The following ZNF782 variants were observed in gnomAD, a reference collection of about 807,000 sequenced individuals.
ZNF782 encodes zinc finger protein 782.
In ZNF782, 12 loss-of-function variants were observed where a neutral mutation model predicts 13.0. That is an observed-to-expected ratio of 0.92 (90% CI 0.59 to 1.50). The LOEUF (loss-of-function observed/expected upper bound fraction) is 1.50. Among genes scored for constraint, ZNF782 ranks in the 40% most tolerant of loss-of-function variants. The pLI is 0.00. For synonymous variants in ZNF782, 284 were observed against 283.0 expected, an observed-to-expected ratio of 1.00 and a Z score of -0.04; for missense variants, 770 against 822.9, an observed-to-expected ratio of 0.94 and a Z score of 0.79.
intron 1 of ZNF782, among the ~76,000 whole-genome samples, chr9:96,864,068 CACAT>C (rs1171632835): frequency 6.7e-6 from 1 of 149,952 alleles, no homozygotes; most frequent in Non-Finnish European, 1.5e-5. Context: ...TGTACATATA[CACAT>C]ACATACACAC....
chr9:96,925,901 G>T, the ZNF782 span, among the ~76,000 whole-genome samples: 1 of 146,290 alleles, frequency 6.8e-6, no homozygotes, highest in Admixed American at 6.7e-5. Context: ...CTGAACAGGG[G>T]ATCCAAGCCC....
intron 4 of ZNF782, among the ~76,000 whole-genome samples, chr9:96,842,811 A>T (rs1851229076): frequency 6.6e-6 from 1 of 152,124 alleles, no homozygotes; most frequent in South Asian, 2.1e-4. Context: ...CTGACAAAGA[A>T]ACTCATATCT....
the ZNF782 span, among the ~76,000 whole-genome samples, chr9:96,897,326 C>A: frequency 0.076 from 11,614 of 151,844 alleles, 1,157 homozygotes; most frequent in African/African-American, 0.25. Flanking sequence ...CCCCTTCTCC[C>A]ACAAGTGCCA....
chr9:96,874,884 CAT>C (rs748522539), intron 1 of ZNF782, among the ~76,000 whole-genome samples: 4 of 152,208 alleles, frequency 2.6e-5, no homozygotes, highest in South Asian at 2.1e-4. Context: ...GGACTGAAAA[CAT>C]AGACAGCTTG....
chr9:96,887,041 C>G, the ZNF782 span, among the ~76,000 whole-genome samples: 1 of 151,248 alleles, frequency 6.6e-6, no homozygotes, highest in East Asian at 2.0e-4. Context: ...TGGCCGGATG[C>G]GGTGGCTCAC....
intron 4 of ZNF782, among the ~76,000 whole-genome samples, chr9:96,844,531 A>G (rs1284683787): frequency 6.6e-6 from 1 of 152,166 alleles, no homozygotes; most frequent in Non-Finnish European, 1.5e-5. Context: ...GAGAAAAGGC[A>G]AAATTATTGC....
At chr9:96,887,331 AAGGAAGG>A in the ZNF782 span, 1 of 140,790 alleles carries the variant, frequency 7.1e-6, no homozygotes, top group Non-Finnish European at 1.5e-5. Context: ...GGAAGGAAGG[AAGGAAGG>A]AAGAAAGAAA....
At chr9:96,902,668 CTG>C in the ZNF782 span, among the ~76,000 whole-genome samples, 2 of 138,686 alleles carry the variant, frequency 1.4e-5, no homozygotes, top group Non-Finnish European at 3.0e-5. Context: ...TTTTGCATAA[CTG>C]TTATTTATGT....
the ZNF782 span, among the ~76,000 whole-genome samples, chr9:96,924,484 TTTC>T: frequency 9.3e-6 from 1 of 107,728 alleles, no homozygotes; most frequent in Non-Finnish European, 1.9e-5. Flanking sequence ...CATAGAAGCT[TTTC>T]TTGACTTTGG....
chr9:96,820,448 G>C (rs1163917964), intron 5 of ZNF782, among the ~76,000 whole-genome samples: 3 of 152,086 alleles, frequency 2.0e-5, no homozygotes, highest in East Asian at 3.9e-4. Context: ...AAATTGATGG[G>C]AGTTAAAGTC....
At chr9:96,849,561 T>C (rs1306015031) in intron 3 of ZNF782, among the ~76,000 whole-genome samples, 1 of 152,222 alleles carries the variant, frequency 6.6e-6, no homozygotes, top group African/African-American at 2.4e-5. Context: ...ACCATAGAAA[T>C]TCTAGAAGAC....
At chr9:96,857,494 A>T (rs915888920), upstream of ZNF782, among the ~76,000 whole-genome samples, 3 of 152,270 alleles carry the variant, frequency 2.0e-5, no homozygotes, top group African/African-American at 7.2e-5. Context: ...CAGCACTCAA[A>T]CTAAGCTAAA....
upstream of ZNF782, among the ~76,000 whole-genome samples, chr9:96,879,575 C>A (rs567303481): frequency 2.0e-5 from 3 of 152,230 alleles, no homozygotes; most frequent in South Asian, 4.1e-4. Context: ...AAAGCCTGGG[C>A]AGAGTTGGTG....
Position 96,818,920 on chromosome 9 carries a change from T to C in ZNF782, c.1103A>G (p.Tyr368Cys), listed in dbSNP as rs760681020. The part of the protein sequence containing the change: ...KVHIRAKPYE[Y>C]NECGKSCSMN... Reference sequence around the variant, plus strand: ...AGAGCAGGATTTCCCACATTCATTATACTCATAGGGTTTTGCCCTTATGTG... The same window carrying C: ...AGAGCAGGATTTCCCACATTCATTACACTCATAGGGTTTTGCCCTTATGTG... The change falls in exon 6 of 6, where the codon TAT (tyrosine) becomes TGT (cysteine). Residue 368 changes from tyrosine to cysteine, a missense_variant. Tyr to Cys is a radical substitution (Grantham distance 194). Coordinates refer to ENST00000481138, the MANE Select transcript of ZNF782 (RefSeq NM_001001662.3). 13 of 1,614,246 alleles carry C rather than the reference T, an allele frequency of 8.1e-6. No individual in the cohort carries two copies. The South Asian group carries it at 1.4e-4, about 18-fold the overall frequency.
intron 3 of ZNF782, among the ~76,000 whole-genome samples, chr9:96,846,610 T>A (rs1214640513): frequency 2.6e-5 from 4 of 152,154 alleles, no homozygotes; most frequent in African/African-American, 9.7e-5. Context: ...GGTCACCATA[T>A]GATGATAAAA....
intron 3 of ZNF782, among the ~76,000 whole-genome samples, chr9:96,847,718 T>A (rs1455514350): frequency 6.6e-6 from 1 of 152,188 alleles, no homozygotes; most frequent in Admixed American, 6.5e-5. Flanking sequence ...ACCAGATGGA[T>A]TCACAGCTGA....
rs1474672730 is a variant in ZNF782, at chr9:96,819,569, C to T, written c.454G>A (p.Ala152Thr). The change falls in exon 6 of 6, where the codon GCC (alanine) becomes ACC (threonine). Residue 152 changes from alanine to threonine, a missense_variant. Coordinates refer to ENST00000481138, the MANE Select transcript of ZNF782 (RefSeq NM_001001662.3). ...GSACQGLSLM[A>T]PHCQYSKEKA... ...TCTTTTGAATACTGACAGTGTGGGG[C>T]CATCAGGCTGAGCCCCTGGCAAGCA... The T allele has an allele frequency of 4.3e-6, 7 of 1,613,382 alleles. No individual in the cohort carries two copies.
intron 4 of ZNF782, among the ~76,000 whole-genome samples, chr9:96,834,782 T>C (rs1850932619): frequency 6.6e-6 from 1 of 152,164 alleles, no homozygotes; most frequent in Admixed American, 6.5e-5. Context: ...AAGGAGTGGG[T>C]TGTTGCTTTA....
the ZNF782 span, among the ~76,000 whole-genome samples, chr9:96,901,835 C>T: frequency 1.4e-4 from 20 of 140,356 alleles, no homozygotes; most frequent in South Asian, 6.8e-4. Context: ...ACCAAGATCG[C>T]GCCATTGCAC....
Sources: allele counts gnomAD v4.1 joint callset (sites outside exome capture counted in the v4.1 genomes callset), GRCh38; gene constraint gnomAD v4.1.1; transcripts MANE v1.5; gene names NCBI Gene and HGNC (gene_info 2026-07-23, HGNC 2026-07-21).